The following CSMD1 variants were observed in gnomAD, a reference collection of about 807,000 sequenced individuals.
CSMD1 encodes CUB and sushi domain-containing protein 1.
CSMD1 carries 213 observed loss-of-function variants against 417.5 expected under a neutral mutation model. The ratio of observed to expected loss-of-function variants is 0.51; its 90% CI spans 0.46 to 0.57. The LOEUF is 0.57. CSMD1 is among the 20% of genes least tolerant of loss of function. CSMD1 has a pLI of 0.00. For synonymous variants in CSMD1, 2,862 were observed against 1,736.8 expected (o/e 1.65, Z -16.11); for missense variants, 6,923 against 4,529.7 (o/e 1.53, Z -15.17).
chr8:2,951,039 G>T, intron 66 of CSMD1, 75 bp downstream of exon 66: 1 of 1,466,074 alleles, frequency 6.8e-7, no homozygotes, highest in Non-Finnish European at 9.3e-7. Context: ...ATACTTACTA[G>T]ATCACCTCTC....
At chr8:3,541,812 G>T (rs988023157) in intron 10 of CSMD1, among the ~76,000 whole-genome samples, 1 of 151,474 alleles carries the variant, frequency 6.6e-6, no homozygotes, top group African/African-American at 2.4e-5. Context: ...TTTGTGCTGG[G>T]CATGATGGCT....
At chr8:3,714,534 C>T (rs1472932313) in intron 6 of CSMD1, among the ~76,000 whole-genome samples, 4 of 129,850 alleles carry the variant, frequency 3.1e-5, no homozygotes, top group African/African-American at 5.8e-5. Context: ...GCAGCCTGGC[C>T]AACATGGCGA....
chr8:3,232,741 TA>T (rs2116920906), intron 26 of CSMD1, among the ~76,000 whole-genome samples: 1 of 152,288 alleles, frequency 6.6e-6, no homozygotes, highest in East Asian at 1.9e-4. Context: ...TCGACCATCT[TA>T]GCTTGTGTTT....
At chr8:4,938,760 G>C (rs1563816559) in intron 1 of CSMD1, among the ~76,000 whole-genome samples, 1 of 152,152 alleles carries the variant, frequency 6.6e-6, no homozygotes, top group African/African-American at 2.4e-5. Flanking sequence ...AAAAGTGTGT[G>C]GCCTGTGGGT....
At chr8:4,499,086 G>A (rs1802122313) in intron 2 of CSMD1, among the ~76,000 whole-genome samples, 2 of 152,230 alleles carry the variant, frequency 1.3e-5, no homozygotes, top group South Asian at 4.1e-4. Flanking sequence ...AAAGGACACA[G>A]AAATGAAATG....
At chr8:4,142,594 C>G (rs766305879) in intron 3 of CSMD1, among the ~76,000 whole-genome samples, 4 of 151,002 alleles carry the variant, frequency 2.6e-5, no homozygotes, top group Admixed American at 6.6e-5. Flanking sequence ...ACGTTTTTTT[C>G]AATTGCTAGC....
At chr8:3,494,549 TTAGATGATAGATAGATAGA>T (rs1184375412) in intron 10 of CSMD1, among the ~76,000 whole-genome samples, 1 of 138,350 alleles carries the variant, frequency 7.2e-6, no homozygotes, top group African/African-American at 2.8e-5. Flanking sequence ...TACAGACAGA[TTAGATGATAGATAGATAGA>T]TAGATAGATA....
intron 5 of CSMD1, among the ~76,000 whole-genome samples, chr8:3,968,204 AT>A (rs1269625659): frequency 1.3e-5 from 2 of 151,574 alleles, no homozygotes; most frequent in Non-Finnish European, 1.5e-5. Context: ...AATAATAATA[AT>A]AATAAATAAT....
At chr8:4,105,041 C>A (rs942451142) in intron 3 of CSMD1, among the ~76,000 whole-genome samples, 4 of 151,870 alleles carry the variant, frequency 2.6e-5, no homozygotes, top group Non-Finnish European at 5.9e-5. Flanking sequence ...ATGCTAAGGG[C>A]CTAATTCCAA....
At chr8:3,758,813 G>A (rs545298247) in intron 5 of CSMD1, among the ~76,000 whole-genome samples, 4 of 152,270 alleles carry the variant, frequency 2.6e-5, no homozygotes, top group East Asian at 1.9e-4. Flanking sequence ...AGAACAATGC[G>A]CTTACTGAGC....
intron 49 of CSMD1, among the ~76,000 whole-genome samples, chr8:3,059,219 A>G (rs1812428972): frequency 1.3e-5 from 2 of 150,954 alleles, no homozygotes; most frequent in Non-Finnish European, 2.9e-5. Flanking sequence ...GAAAAATATT[A>G]AAAGTAACAT....
chr8:4,180,460 G>C (rs1001063213), intron 3 of CSMD1, among the ~76,000 whole-genome samples: 5 of 150,514 alleles, frequency 3.3e-5, no homozygotes, highest in African/African-American at 1.2e-4. Flanking sequence ...ATAGCATTAG[G>C]AGATATGCCT....
At chr8:4,360,256 C>A (rs1159252274) in intron 3 of CSMD1, among the ~76,000 whole-genome samples, 2 of 152,132 alleles carry the variant, frequency 1.3e-5, no homozygotes, top group East Asian at 1.9e-4. Context: ...GATGAACACA[C>A]ATCTACCTCC....
At chr8:4,309,569 A>T (rs926421865) in intron 3 of CSMD1, among the ~76,000 whole-genome samples, 1 of 152,124 alleles carries the variant, frequency 6.6e-6, no homozygotes, top group Non-Finnish European at 1.5e-5. Flanking sequence ...AAGCAGCCAA[A>T]CTCTCAGTTC....
In CSMD1 at chr8:3,406,123, C is replaced by T. The variant is rs376236921; in HGVS notation, c.2170G>A (p.Asp724Asn). The part of the protein sequence containing the change: ...LLGSSVSFHC[D>N]DGFVKTQGSE... Reference sequence around the variant, plus strand: ...CCCTGGGTCTTGACAAAGCCATCATCACAGTGGAAAGAAACCGAGCTCCCG... The same window carrying T: ...CCCTGGGTCTTGACAAAGCCATCATTACAGTGGAAAGAAACCGAGCTCCCG... Residue 724 changes from aspartate (D) to asparagine (N), a missense_variant, in exon 15 of 70, where the codon GAT becomes AAT. Physicochemically the swap from Asp to Asn is conservative, Grantham distance 23 (BLOSUM62 1). Coordinates refer to ENST00000635120, the MANE Select transcript of CSMD1 (RefSeq NM_033225.6). 63 of 1,613,810 alleles carry T rather than the reference C, an allele frequency of 3.9e-5. No individual in the cohort carries two copies. Among genetic ancestry groups the T allele is most frequent in the Non-Finnish European group, 8.5e-6 (10 of 1,179,884 alleles).
At chr8:4,381,919 C>T (rs1803131841) in intron 3 of CSMD1, among the ~76,000 whole-genome samples, 1 of 152,074 alleles carries the variant, frequency 6.6e-6, no homozygotes, top group East Asian at 1.9e-4. Context: ...TTGCCCACTG[C>T]AGGGAAAACA....
intron 5 of CSMD1, among the ~76,000 whole-genome samples, chr8:3,894,903 G>C (rs534338335): frequency 1.3e-5 from 2 of 152,112 alleles, no homozygotes; most frequent in African/African-American, 4.8e-5. Context: ...ATTACAGTGG[G>C]TTCCTAGTAT....
intron 61 of CSMD1, among the ~76,000 whole-genome samples, chr8:2,962,032 C>A (rs1386925589): frequency 6.6e-6 from 1 of 152,058 alleles, no homozygotes; most frequent in South Asian, 2.1e-4. Context: ...TAGTAGAACA[C>A]CCATTATTCT....
intron 25 of CSMD1, among the ~76,000 whole-genome samples, chr8:3,294,625 C>T (rs190700130): frequency 2.4e-4 from 36 of 152,288 alleles, no homozygotes; most frequent in African/African-American, 4.3e-4. Context: ...GAGTCATGCA[C>T]GGGATATAAT....
Sources: allele counts gnomAD v4.1 joint callset (sites outside exome capture counted in the v4.1 genomes callset), GRCh38; gene constraint gnomAD v4.1.1; transcripts MANE v1.5; gene names NCBI Gene and HGNC (gene_info 2026-07-23, HGNC 2026-07-21).